The following JMJD1C variants were observed in gnomAD, a reference collection of about 807,000 sequenced individuals.
JMJD1C encodes jumonji domain containing 1C, also known as jumonji domain-containing protein 1C.
Under a neutral mutation model 245.3 loss-of-function variants are expected in JMJD1C, and 31 were observed. The ratio of observed to expected loss-of-function variants is 0.13; its 90% CI spans 0.09 to 0.17. JMJD1C has a LOEUF of 0.17. Among genes scored for constraint, JMJD1C ranks in the 10% least tolerant of loss-of-function variants. JMJD1C has a pLI of 1.00. For synonymous variants in JMJD1C, 1,057 were observed against 1,017.4 expected (o/e 1.04, Z -0.74); for missense variants, 2,691 against 3,000.2 (o/e 0.90, Z 2.41).
intron 1 of JMJD1C, among the ~76,000 whole-genome samples, chr10:63,405,500 T>G (rs1010508516): frequency 6.6e-6 from 1 of 152,032 alleles, no homozygotes; most frequent in African/African-American, 2.4e-5. Flanking sequence ...TTTTTGTATT[T>G]TTAATACAGA....
At chr10:63,217,464 GAA>G in intron 4 of JMJD1C, 133 bp from the exon 5 acceptor site, 1 of 645,706 alleles carries the variant, frequency 1.5e-6, no homozygotes, top group Non-Finnish European at 2.5e-6. Flanking sequence ...AAATGTTTTA[GAA>G]GTAAATATCC....
chr10:63,209,114 G>A lies in JMJD1C; in HGVS notation c.2816C>T (p.Thr939Ile). Residue 939 changes from threonine to isoleucine, a missense_variant, in exon 9 of 26, where the codon ACA becomes ATA. Thr to Ile is a moderately conservative substitution (Grantham distance 89). Transcript: ENST00000399262. ...TGTCAATGGTGGACTGGAATGGGCT[G>A]TAATTTTAAGAGGCCGATGAGGCTC... ...SAEPHRPLKI[T>I]AHSSPPLTKT... 1 of 1,613,950 alleles carries A rather than the reference G, an allele frequency of 6.2e-7. No individual in the cohort carries two copies. The highest frequency in any genetic ancestry group is 8.5e-7 in the Non-Finnish European group (1 of 1,179,854).
At chr10:63,258,089 G>A (rs1323943536) in intron 3 of JMJD1C, among the ~76,000 whole-genome samples, 1 of 152,098 alleles carries the variant, frequency 6.6e-6, no homozygotes, top group African/African-American at 2.4e-5. Flanking sequence ...TTTATGAAAA[G>A]GGAAATTTAC....
At chr10:63,327,898 G>A (rs1234902102) in intron 2 of JMJD1C, among the ~76,000 whole-genome samples, 1 of 151,946 alleles carries the variant, frequency 6.6e-6, no homozygotes, top group Admixed American at 6.6e-5. Flanking sequence ...TTGAACTCCT[G>A]ACCTCAGGTG....
At chr10:63,481,978 A>G (rs1407367138) in intron 1 of JMJD1C, among the ~76,000 whole-genome samples, 1 of 152,206 alleles carries the variant, frequency 6.6e-6, no homozygotes, top group East Asian at 1.9e-4. Flanking sequence ...CTCACTGTAC[A>G]GTACATTCCA....
intron 18 of JMJD1C, among the ~76,000 whole-genome samples, chr10:63,188,030 A>G (rs1470648863): frequency 1.3e-5 from 2 of 152,176 alleles, no homozygotes; most frequent in African/African-American, 2.4e-5. Flanking sequence ...ATGTTCTTGT[A>G]TATGTCCAGC....
At chr10:63,219,518 G>A (rs1848367993) in intron 4 of JMJD1C, among the ~76,000 whole-genome samples, 4 of 152,120 alleles carry the variant, frequency 2.6e-5, no homozygotes, top group Admixed American at 2.0e-4. Flanking sequence ...CAGATACGAA[G>A]AACATTCTTC....
chr10:63,208,794 C>T lies in JMJD1C; in HGVS notation c.2875G>A (p.Glu959Lys). ...TLVDHHKEEL[E>K]RKAFMEPLRS... ...AATGGTTCCATAAAAGCTTTTCTTTCTAATTCTCTGTAAAGAAAATACACA... is the reference window on the plus strand; with the variant it reads ...AATGGTTCCATAAAAGCTTTTCTTTTTAATTCTCTGTAAAGAAAATACACA... Residue 959 changes from glutamate (E) to lysine (K), a missense_variant, in exon 10 of 26, where the codon GAA becomes AAA. Physicochemically the swap from Glu to Lys is moderately conservative, Grantham distance 56. Coordinates refer to ENST00000399262, the MANE Select transcript of JMJD1C (RefSeq NM_032776.3). 1.3e-6 allele frequency: 2 copies of T among 1,569,690 alleles called. No individual in the cohort carries two copies. The highest frequency in any genetic ancestry group is 1.7e-6 in the Non-Finnish European group (2 of 1,164,172).
chr10:63,264,938 GTGTT>G (rs1024491388), intron 2 of JMJD1C, among the ~76,000 whole-genome samples, 174 bp from the exon 3 acceptor site: 12 of 152,006 alleles, frequency 7.9e-5, no homozygotes, highest in African/African-American at 2.4e-4. Flanking sequence ...TAAGGTATCT[GTGTT>G]TATTTAAAAG....
intron 2 of JMJD1C, among the ~76,000 whole-genome samples, chr10:63,331,781 C>G (rs779313009): frequency 6.6e-6 from 1 of 152,258 alleles, no homozygotes; most frequent in Non-Finnish European, 1.5e-5. Context: ...CCACGCCCAA[C>G]TAATTTTTCT....
chr10:63,343,432 T>C (rs1279391396), intron 2 of JMJD1C, among the ~76,000 whole-genome samples: 1 of 151,736 alleles, frequency 6.6e-6, no homozygotes, highest in Admixed American at 6.6e-5. Context: ...GAAGTACATA[T>C]AGCCTAGGTT....
At chr10:63,245,359 A>G (rs988812383) in intron 3 of JMJD1C, among the ~76,000 whole-genome samples, 3 of 151,902 alleles carry the variant, frequency 2.0e-5, no homozygotes, top group Non-Finnish European at 4.4e-5. Context: ...AAGATTTAAT[A>G]GACTTACAGT....
At chr10:63,357,096 C>T (rs572006064) in intron 2 of JMJD1C, among the ~76,000 whole-genome samples, 18 of 151,648 alleles carry the variant, frequency 1.2e-4, no homozygotes, top group South Asian at 2.1e-4. Context: ...TGCAGTGGCG[C>T]GACCTCAGCT....
At chr10:63,495,341 G>C (rs1162274357) in intron 1 of JMJD1C, among the ~76,000 whole-genome samples, 2 of 151,778 alleles carry the variant, frequency 1.3e-5, no homozygotes, top group African/African-American at 4.8e-5. Context: ...ACTTTCACTG[G>C]CCAATGTATC....
chr10:63,356,635 A>G (rs1449576567), intron 2 of JMJD1C, among the ~76,000 whole-genome samples: 2 of 152,164 alleles, frequency 1.3e-5, no homozygotes, highest in Non-Finnish European at 2.9e-5. Context: ...TTCATTCACA[A>G]GGCTGTATAT....
chr10:63,196,941 AAC>A (rs1372049879), intron 13 of JMJD1C, among the ~76,000 whole-genome samples: 6 of 151,972 alleles, frequency 3.9e-5, no homozygotes, highest in Admixed American at 3.9e-4. Context: ...GGACTACAGG[AAC>A]ACACCACCAT....
intron 2 of JMJD1C, among the ~76,000 whole-genome samples, chr10:63,340,790 CA>C (rs1185151387): frequency 6.6e-6 from 1 of 151,900 alleles, no homozygotes; most frequent in East Asian, 2.0e-4. Flanking sequence ...ACTAAAAATA[CA>C]AAAATTGGCT....
chr10:63,234,504 A>AC, intron 3 of JMJD1C, among the ~76,000 whole-genome samples: 1 of 146,364 alleles, frequency 6.8e-6, no homozygotes, highest in African/African-American at 2.6e-5. Context: ...AAAAAAAAAA[A>AC]AAAAAAAAAA....
At chr10:63,446,763 G>A (rs1170428335) in intron 1 of JMJD1C, among the ~76,000 whole-genome samples, 2 of 152,158 alleles carry the variant, frequency 1.3e-5, no homozygotes, top group African/African-American at 2.4e-5. Context: ...TTAAAAAGAC[G>A]AGGTAATTTG....
Sources: gnomAD v4.1 joint callset for allele counts (sites outside exome capture counted in the v4.1 genomes callset) on GRCh38, gnomAD v4.1.1 for gene constraint, MANE v1.5 for transcripts, NCBI Gene and HGNC (gene_info 2026-07-23, HGNC 2026-07-21) for gene names.